The following SH3D19 variants were observed in gnomAD, a reference collection of about 807,000 sequenced individuals.
The protein encoded by SH3D19 is SH3 domain-containing protein 19.
A neutral mutation model predicts 112.1 loss-of-function variants in SH3D19; 58 were observed. The ratio of observed to expected loss-of-function variants is 0.52; its 90% CI spans 0.42 to 0.64. The LOEUF (loss-of-function observed/expected upper bound fraction) is 0.64. Ranked by LOEUF, SH3D19 falls within the 30% of genes least tolerant of loss-of-function variation. The pLI is 0.00. For synonymous variants in SH3D19, 391 were observed against 448.5 expected (o/e 0.87, Z 1.62); for missense variants, 1,090 against 1,263.4 (o/e 0.86, Z 2.08).
At chr4:151,299,580 C>CAAAAAA (rs369585943) in intron 1 of SH3D19, among the ~76,000 whole-genome samples, 1 of 92,796 alleles carries the variant, frequency 1.1e-5, no homozygotes. Flanking sequence ...AACTCCGTCT[C>CAAAAAA]AAAAAAAAAA....
At chr4:151,250,238 C>T (rs2149976685) in intron 1 of SH3D19, among the ~76,000 whole-genome samples, 2 of 152,150 alleles carry the variant, frequency 1.3e-5, no homozygotes, top group South Asian at 4.2e-4. Flanking sequence ...ATCTAAGTGT[C>T]CATCAACACA....
intron 1 of SH3D19, among the ~76,000 whole-genome samples, chr4:151,312,989 T>A (rs1729618959): frequency 6.6e-6 from 1 of 150,802 alleles, no homozygotes; most frequent in South Asian, 2.1e-4. Context: ...CTTGGGAGGC[T>A]GAGGTATGGG....
intron 19 of SH3D19, among the ~76,000 whole-genome samples, chr4:151,125,526 A>G (rs1749067708): frequency 1.3e-5 from 2 of 150,910 alleles, no homozygotes; most frequent in South Asian, 2.1e-4. Flanking sequence ...GAAAGAAAGG[A>G]AGGAAAGGAA....
intron 1 of SH3D19, among the ~76,000 whole-genome samples, chr4:151,299,307 G>A (rs1047879493): frequency 6.6e-6 from 1 of 152,180 alleles, no homozygotes; most frequent in Non-Finnish European, 1.5e-5. Context: ...ATGGCTGGGC[G>A]CAGTGGCTCA....
At chr4:151,283,362 A>G (rs548342925) in intron 1 of SH3D19, 1 of 1,384,870 alleles carries the variant, frequency 7.2e-7, no homozygotes, top group East Asian at 2.3e-5. Context: ...ATCTGTAAAT[A>G]ACAGTGGATT....
chr4:151,273,144 T>C (rs916987309), intron 1 of SH3D19, among the ~76,000 whole-genome samples: 10 of 152,204 alleles, frequency 6.6e-5, no homozygotes, highest in African/African-American at 9.7e-5. Flanking sequence ...CAGTAACTGA[T>C]GTAGAGTTTA....
intron 1 of SH3D19, chr4:151,227,612 G>A (rs189306799): frequency 3.9e-4 from 119 of 302,676 alleles, no homozygotes; most frequent in Admixed American, 5.2e-4. Context: ...TCATAGTAAC[G>A]CAGGGCACAT....
Position 151,130,465 on chromosome 4 carries a change from C to A in SH3D19, c.2742+1866G>T, listed in dbSNP as rs143939861. 6.2e-4 allele frequency among the ~76,000 whole-genome samples: 94 copies of A among 151,724 alleles called. 1 individual carries two copies. The highest frequency in any genetic ancestry group is 1.7e-3 in the East Asian group (9 of 5,156). ...AACAAAACAAAACAAAACAAAAAAA[C>A]CAAAATAAAACCAAAAACAACAAAA... On this transcript the variant is annotated intron_variant, in intron 17 of 19. Transcript: ENST00000604030.
intron 1 of SH3D19, among the ~76,000 whole-genome samples, chr4:151,270,870 C>T (rs531701316): frequency 6.6e-6 from 1 of 152,144 alleles, no homozygotes; most frequent in South Asian, 2.1e-4. Flanking sequence ...TAGACTGGAC[C>T]TTTTAGTACA....
intron 1 of SH3D19, among the ~76,000 whole-genome samples, chr4:151,311,949 G>T (rs936403715): frequency 6.6e-6 from 1 of 152,122 alleles, no homozygotes; most frequent in African/African-American, 2.4e-5. Context: ...AGATGAATAA[G>T]TTCTGGAGAC....
At chr4:151,234,960 G>A (rs1288010724) in intron 1 of SH3D19, among the ~76,000 whole-genome samples, 1 of 151,784 alleles carries the variant, frequency 6.6e-6, no homozygotes, top group South Asian at 2.1e-4. Context: ...TTGTTGCCCA[G>A]GCTGGTCTCG....
chr4:151,167,357 A>G (rs573089906), intron 7 of SH3D19, among the ~76,000 whole-genome samples: 2 of 152,010 alleles, frequency 1.3e-5, no homozygotes, highest in African/African-American at 4.8e-5. Flanking sequence ...TGTAAAAGTG[A>G]GAAACATTAA....
intron 1 of SH3D19, among the ~76,000 whole-genome samples, chr4:151,288,589 A>C (rs935962123): frequency 6.6e-6 from 1 of 152,136 alleles, no homozygotes; most frequent in Non-Finnish European, 1.5e-5. Context: ...TCTACTAAAA[A>C]TACAAAAACT....
At chr4:151,317,176 T>C (rs77279107) in intron 1 of SH3D19, among the ~76,000 whole-genome samples, 18,673 of 152,210 alleles carry the variant, frequency 0.12, 1,223 homozygotes, top group South Asian at 0.22. Flanking sequence ...CCCACACCAG[T>C]GGAGCAGTTC....
intron 19 of SH3D19, among the ~76,000 whole-genome samples, chr4:151,127,261 C>T (rs1466519950): frequency 1.3e-5 from 2 of 152,178 alleles, no homozygotes; most frequent in Admixed American, 1.3e-4. Flanking sequence ...AAAGACACAT[C>T]AATGGCAGGC....
chr4:151,174,283 C>T (rs1194816630), intron 7 of SH3D19, among the ~76,000 whole-genome samples: 1 of 152,180 alleles, frequency 6.6e-6, no homozygotes, highest in Non-Finnish European at 1.5e-5. Flanking sequence ...TCCATAACCT[C>T]CCTGGATCCT....
intron 1 of SH3D19, chr4:151,228,128 T>C (rs1215984390): frequency 5.1e-5 from 38 of 740,786 alleles, no homozygotes; most frequent in Admixed American, 6.3e-5. Flanking sequence ...ATAGCACTTT[T>C]CTATTGAACC....
At chr4:151,288,223 G>T (rs1335795983) in intron 1 of SH3D19, among the ~76,000 whole-genome samples, 1 of 152,116 alleles carries the variant, frequency 6.6e-6, no homozygotes, top group Non-Finnish European at 1.5e-5. Flanking sequence ...AAAGAGACAA[G>T]GATGTCTATT....
intron 1 of SH3D19, among the ~76,000 whole-genome samples, chr4:151,288,211 G>T (rs1775005871): frequency 1.3e-5 from 2 of 152,130 alleles, no homozygotes; most frequent in South Asian, 4.2e-4. Context: ...CATAAGGTCA[G>T]GAAAGAGACA....
Sources: gnomAD v4.1 joint callset for allele counts (sites outside exome capture counted in the v4.1 genomes callset) on GRCh38, gnomAD v4.1.1 for gene constraint, MANE v1.5 for transcripts, NCBI Gene and HGNC (gene_info 2026-07-23, HGNC 2026-07-21) for gene names.